The following C1orf167 variants were observed in gnomAD, a reference collection of about 807,000 sequenced individuals.
C1orf167 encodes chromosome 1 open reading frame 167.
Under a neutral mutation model 176.5 loss-of-function variants are expected in C1orf167, and 153 were observed. That is an observed-to-expected ratio of 0.87 (90% CI 0.76 to 0.99). The LOEUF is 0.99. Ranked by LOEUF, C1orf167 falls within the 50% of genes least tolerant of loss-of-function variation. The probability of loss-of-function intolerance (pLI) is 0.00; values close to 1 mark genes in which losing one functional copy is unlikely to be tolerated. For synonymous variants in C1orf167, 594 were observed against 752.7 expected (o/e 0.79, Z 3.45); for missense variants, 1,490 against 1,817.7 (o/e 0.82, Z 3.28).
chr1:11,779,245 G>T, intron 12 of C1orf167, 165 bp downstream of exon 12: 1 of 537,470 alleles, frequency 1.9e-6, no homozygotes, highest in South Asian at 2.4e-5. Context: ...AGGGTGTCGG[G>T]GAGTGGTGAG....
In C1orf167 at chr1:11,778,783, G is replaced by A. The variant is rs560735682; in HGVS notation, c.2463G>A (p.Leu821=). The change falls in exon 11 of 21, where the codon CTG becomes CTA. Residue 821 remains leucine (L), a synonymous_variant. Transcript: ENST00000688073. Reference sequence around the variant, plus strand: ...AGACCCCCTCGGCTCTGGAGCCACTGAGCAGCAGCACACTCCAAGACTCTC... The same window carrying A: ...AGACCCCCTCGGCTCTGGAGCCACTAAGCAGCAGCACACTCCAAGACTCTC... ...CTKTPSALEP[L]SSSTLQDSLE... 2.2e-5 allele frequency: 29 copies of A among 1,303,934 alleles called. No homozygotes were observed. The African/African-American group carries it at 4.2e-4, about 19-fold the overall frequency. 80.8% of individuals were successfully genotyped at this position (1,303,934 alleles called of 1,614,324 possible).
chr1:11,779,178 G>A, intron 12 of C1orf167, 98 bp downstream of exon 12: 1 of 1,123,826 alleles, frequency 8.9e-7, no homozygotes, highest in Non-Finnish European at 1.1e-6. Flanking sequence ...CAGCCCCTTG[G>A]GGTCTGCACC....
chr1:11,778,291 CAAAAAAA>C (rs70983596), intron 10 of C1orf167: 19 of 75,638 alleles, frequency 2.5e-4, no homozygotes, highest in Admixed American at 1.1e-3. Flanking sequence ...GACCCTGTCT[CAAAAAAA>C]AAAAAAAAAA....
chr1:11,771,043 G>GTATATATATA (rs1374627501), intron 6 of C1orf167, among the ~76,000 whole-genome samples: 3 of 69,828 alleles, frequency 4.3e-5, no homozygotes, highest in East Asian at 3.5e-4. Context: ...GTGTGTGTGT[G>GTATATATATA]TGTGTGTATA....
chr1:11,783,097 T>C (rs916680586), intron 14 of C1orf167, among the ~76,000 whole-genome samples: 4 of 152,106 alleles, frequency 2.6e-5, no homozygotes, highest in Non-Finnish European at 5.9e-5. Context: ...GAATGCATAT[T>C]GTAAAACCAA....
intron 14 of C1orf167, among the ~76,000 whole-genome samples, chr1:11,783,484 T>A (rs1409438683): frequency 6.6e-6 from 1 of 152,030 alleles, no homozygotes; most frequent in Non-Finnish European, 1.5e-5. Context: ...CGACCTCAGG[T>A]GATCCGCCCG....
rs748280449 is a variant in C1orf167, at chr1:11,767,217, C to T, written c.1300-4C>T. 1.6e-6 allele frequency: 2 copies of T among 1,289,732 alleles called. No individual in the cohort carries two copies. The highest frequency in any genetic ancestry group is 2.5e-5 in the South Asian group (2 of 81,018). The allele number at this position is 1,289,732 out of a possible 1,614,324, so 79.9% of individuals were successfully genotyped here. A position where few individuals can be genotyped will look rare whatever the true frequency, so the allele number is the denominator to read the frequency against. ...AACTGTGTTATGTACTCTTGCTTTC[C>T]CAGAACAAGGCACAAAACATCACAG... On this transcript the variant is annotated splice_region_variant and splice_polypyrimidine_tract_variant and intron_variant, in intron 3 of 20. Coordinates refer to ENST00000688073, the MANE Select transcript of C1orf167 (RefSeq NM_001010881.2).
intron 17 of C1orf167, 135 bp downstream of exon 17, chr1:11,787,628 C>A (rs1159154886): frequency 1.2e-6 from 1 of 809,020 alleles, no homozygotes; most frequent in Non-Finnish European, 1.7e-6. Flanking sequence ...CCATCCATTC[C>A]CTCTTCGGAA....
In C1orf167 at chr1:11,768,033, T is replaced by C. The variant is rs1570381013; in HGVS notation, c.1344-44T>C. 2.4e-6 allele frequency: 3 copies of C among 1,225,854 alleles called. No homozygotes were observed. Among genetic ancestry groups the C allele is most frequent in the Non-Finnish European group, 2.1e-6 (2 of 951,154 alleles). 75.9% of individuals were successfully genotyped at this position (1,225,854 alleles called of 1,614,324 possible). ...CCAGCCACTGGGCTGTCCCTGGGGA[T>C]AGGAGGGCAGTCCACACCCTGATCA... On this transcript the variant is annotated intron_variant, in intron 4 of 20. Coordinates refer to ENST00000688073, the MANE Select transcript of C1orf167 (RefSeq NM_001010881.2). The surrounding 1 kb of genome is among the most constrained non-coding windows in gnomAD (Gnocchi z 4.5).
rs1357959253 is a variant in C1orf167, at chr1:11,779,904, G to A, written c.2754G>A (p.Leu918=). 1 of 1,303,002 alleles carries A rather than the reference G, an allele frequency of 7.7e-7. No individual in the cohort carries two copies. The highest frequency in any genetic ancestry group is 1.2e-5 in the South Asian group (1 of 80,942). The allele number at this position is 1,303,002 out of a possible 1,614,324, so 80.7% of individuals were successfully genotyped here. ...GGACCTGCAGGGCTGTGCTGGGCCT[G>A]TGGCGTCAGCGGCTGCTGCAGTCAC... is the stretch of plus-strand genomic sequence containing the variant. ...WDRTCRAVLG[L]WRQRLLQSRL... is the part of the protein sequence containing the mutation. The change falls in exon 13 of 21, where the codon CTG becomes CTA. Residue 918 remains leucine, a synonymous_variant. Coordinates refer to ENST00000688073, the MANE Select transcript of C1orf167 (RefSeq NM_001010881.2).
chr1:11,775,495 T>C lies in C1orf167; in HGVS notation c.2049T>C (p.Ala683=). The part of the protein sequence containing the change: ...QRGSRYRDHL[A]DRRTGTLRKC... ...GGTCCCGGTACCGAGACCACCTGGC[T>C]GACCGCCGGACGGGGACCCTGAGGA... is the stretch of plus-strand genomic sequence containing the variant. The change falls in exon 9 of 21, where the codon GCT becomes GCC. Residue 683 remains alanine, a synonymous_variant. Transcript: ENST00000688073. 2.3e-6 allele frequency: 3 copies of C among 1,304,222 alleles called. No individual in the cohort carries two copies. The highest frequency in any genetic ancestry group is 3.0e-6 in the Non-Finnish European group (3 of 988,924). The allele number at this position is 1,304,222 out of a possible 1,614,324, so 80.8% of individuals were successfully genotyped here.
Position 11,788,331 on chromosome 1 carries a change from C to G in C1orf167, c.4031C>G (p.Ala1344Gly). 7.7e-7 allele frequency: 1 copy of G among 1,301,928 alleles called. No homozygotes were observed. The highest frequency in any genetic ancestry group is 2.4e-4 in the Middle Eastern group (1 of 4,156). 80.6% of individuals were successfully genotyped at this position (1,301,928 alleles called of 1,614,324 possible). A position where few individuals can be genotyped will look rare whatever the true frequency, so the allele number is the denominator to read the frequency against. ...PAGQVPGSGM[A>G]ALGGCPRGRA... is the part of the protein sequence containing the mutation. ...GGCCAGGTGCCTGGCAGTGGCATGGCAGCACTGGGTGGATGCCCAAGGGGC... is the reference window on the plus strand; with the variant it reads ...GGCCAGGTGCCTGGCAGTGGCATGGGAGCACTGGGTGGATGCCCAAGGGGC... The change falls in exon 19 of 21, where the codon GCA becomes GGA. Residue 1344 changes from alanine (A) to glycine (G), a missense_variant. Physicochemically the swap from Ala to Gly is moderately conservative, Grantham distance 60 (BLOSUM62 0). Coordinates refer to ENST00000688073, the MANE Select transcript of C1orf167 (RefSeq NM_001010881.2).
rs2100484112 is a variant in C1orf167, at chr1:11,789,473, A to G, written c.*27A>G. 1 of 1,300,248 alleles carries G rather than the reference A, an allele frequency of 7.7e-7. No homozygotes were observed. The highest frequency in any genetic ancestry group is 1.0e-6 in the Non-Finnish European group (1 of 986,810). The allele number at this position is 1,300,248 out of a possible 1,614,324, so 80.5% of individuals were successfully genotyped here. On this transcript the variant is annotated 3_prime_UTR_variant, in exon 21 of 21. Coordinates refer to ENST00000688073, the MANE Select transcript of C1orf167 (RefSeq NM_001010881.2). ...TTGTTCTCATAGAATAAAAAACAGA[A>G]CTGAACTTAGCCTTCCCAGGGAAGG...
Position 11,788,302 on chromosome 1 carries a change from AGCAG to A in C1orf167, c.4005_4008del (p.Gly1336ArgfsTer118). ...CTGCTTCACGGGCTGCGGGGTTCCC[AGCAG>A]GCCAGGTGCCTGGCAGTGGCATGGC... is the stretch of plus-strand genomic sequence containing the variant. On this transcript the variant is annotated frameshift_variant, in exon 19 of 21. Transcript: ENST00000688073. LOFTEE classifies it high-confidence loss of function. 2 of 1,303,428 alleles carry A rather than the reference AGCAG, an allele frequency of 1.5e-6. No homozygotes were observed. Among genetic ancestry groups the A allele is most frequent in the Non-Finnish European group, 2.0e-6 (2 of 988,470 alleles). The allele number at this position is 1,303,428 out of a possible 1,614,324, so 80.7% of individuals were successfully genotyped here. A position where few individuals can be genotyped will look rare whatever the true frequency, so the allele number is the denominator to read the frequency against.
At chr1:11,778,839 G>A (rs763883370) in intron 11 of C1orf167, 23 bp downstream of exon 11, 120 of 1,294,576 alleles carry the variant, frequency 9.3e-5, no homozygotes, top group Non-Finnish European at 1.2e-4. Flanking sequence ...AGGGTGGGGA[G>A]GGGCTGGGGC....
At position 11,768,388 on chromosome 1, in the gene C1orf167, G is replaced by A; in HGVS notation, c.1542+113G>A. 1 of 942,562 alleles carries A rather than the reference G, an allele frequency of 1.1e-6. No individual in the cohort carries two copies. Among genetic ancestry groups the A allele is most frequent in the Non-Finnish European group, 1.4e-6 (1 of 700,524 alleles). 58.4% of individuals were successfully genotyped at this position (942,562 alleles called of 1,614,324 possible). On this transcript the variant is annotated intron_variant, in intron 5 of 20. Coordinates refer to ENST00000688073, the MANE Select transcript of C1orf167 (RefSeq NM_001010881.2). This position sits in a 1 kb window ranked among gnomAD's most constrained non-coding sequence, Gnocchi z 4.5. ...TGGGCATAGGTGGCACCTCATGAAT[G>A]ATCAGCAGTAAAGGGTGTAGTTGTG...
At chr1:11,762,765 G>T (rs1296129268) in intron 1 of C1orf167, among the ~76,000 whole-genome samples, 1 of 152,240 alleles carries the variant, frequency 6.6e-6, no homozygotes, top group Non-Finnish European at 1.5e-5. Context: ...ACAAGCCCCT[G>T]CTGGGGGTCA....
intron 13 of C1orf167, 24 bp downstream of exon 13, chr1:11,780,034 C>T (rs868214600): frequency 8.0e-7 from 1 of 1,250,884 alleles, no homozygotes; most frequent in Non-Finnish European, 1.0e-6. Flanking sequence ...TGGTCGGGGG[C>T]ACTGCGGGTG....
At chr1:11,779,151 C>T (rs41301989) in intron 12 of C1orf167, 71 bp downstream of exon 12, 94,231 of 1,193,430 alleles carry the variant, frequency 0.079, 3,864 homozygotes, top group Middle Eastern at 0.11. Context: ...CCCTTCCACC[C>T]TTGGCCTTCA....
Sources: gnomAD v4.1 joint callset for allele counts (sites outside exome capture counted in the v4.1 genomes callset) on GRCh38, gnomAD v4.1.1 for gene constraint, Gnocchi (gnomAD v3.1) non-coding constraint, MANE v1.5 for transcripts, NCBI Gene and HGNC (gene_info 2026-07-23, HGNC 2026-07-21) for gene names.